KLC2: variants seen among roughly 807,000 people sequenced by gnomAD.
KLC2 encodes KLC 2.
KLC2 carries 35 observed loss-of-function variants against 75.1 expected under a neutral mutation model. The ratio of observed to expected loss-of-function variants is 0.47; its 90% CI spans 0.36 to 0.62. KLC2 has a LOEUF of 0.62. Ranked by LOEUF, KLC2 falls within the 20% of genes least tolerant of loss-of-function variation. The probability of loss-of-function intolerance (pLI) is 0.00; values close to 1 mark genes in which losing one functional copy is unlikely to be tolerated. For synonymous variants in KLC2, 314 were observed against 336.7 expected (o/e 0.93, Z 0.74); for missense variants, 611 against 833.2 (o/e 0.73, Z 3.28).
At chr11:66,260,275 C>T (rs1306922706) in intron 2 of KLC2, among the ~76,000 whole-genome samples, 3 of 152,048 alleles carry the variant, frequency 2.0e-5, no homozygotes, top group Non-Finnish European at 4.4e-5. Context: ...TCTGCAAGGA[C>T]ATTCACTCCC....
chr11:66,250,213 A>G, the KLC2 span, among the ~76,000 whole-genome samples: 1 of 152,026 alleles, frequency 6.6e-6, no homozygotes, highest in Non-Finnish European at 1.5e-5. Context: ...CATAGAGTTC[A>G]CTATTACCTG....
chr11:66,247,351 G>A, the KLC2 span, among the ~76,000 whole-genome samples: 7 of 152,226 alleles, frequency 4.6e-5, no homozygotes, highest in Non-Finnish European at 2.9e-5. Context: ...AAACTGTGCA[G>A]AGTGTCCCAC....
At chr11:66,248,596 G>A in the KLC2 span, among the ~76,000 whole-genome samples, 2 of 152,272 alleles carry the variant, frequency 1.3e-5, no homozygotes, top group South Asian at 2.1e-4. Context: ...CAACCTGGGC[G>A]ACAGAGTGAG....
intron 2 of KLC2, 102 bp downstream of exon 2, chr11:66,258,924 G>C (rs1405510660): frequency 7.5e-6 from 6 of 795,908 alleles, no homozygotes; most frequent in Non-Finnish European, 1.2e-5. Context: ...GGAACCGTCT[G>C]TTTCCTGGAG....
the KLC2 span, chr11:66,244,999 C>T: frequency 6.6e-6 from 1 of 152,270 alleles, no homozygotes; most frequent in Non-Finnish European, 1.5e-5. Context: ...AAATCCACCT[C>T]CCAAGGCAGT....
chr11:66,251,578 G>T, the KLC2 span, among the ~76,000 whole-genome samples: 4 of 87,366 alleles, frequency 4.6e-5, no homozygotes, highest in African/African-American at 6.7e-5. Context: ...TTCGAAACCA[G>T]CCTGACCAAC....
At chr11:66,252,340 C>G (rs528960992), upstream of KLC2, among the ~76,000 whole-genome samples, 4 of 152,182 alleles carry the variant, frequency 2.6e-5, no homozygotes, top group African/African-American at 9.7e-5. Context: ...GGCTGGAGTG[C>G]AGTGGCGCGA....
At chr11:66,261,074 AAAAAAAAG>A (rs1168426978) in intron 2 of KLC2, 7 of 151,546 alleles carry the variant, frequency 4.6e-5, no homozygotes, top group South Asian at 2.1e-4. Flanking sequence ...AAAAAAAAAA[AAAAAAAAG>A]AGAGAGCAAG....
At chr11:66,250,937 T>A in the KLC2 span, among the ~76,000 whole-genome samples, 4 of 152,154 alleles carry the variant, frequency 2.6e-5, no homozygotes, top group African/African-American at 7.2e-5. Context: ...GACTGCACAC[T>A]CTGTCCTGAG....
At chr11:66,255,144 T>C (rs1855993569), upstream of KLC2, among the ~76,000 whole-genome samples, 1 of 152,234 alleles carries the variant, frequency 6.6e-6, no homozygotes, top group Admixed American at 6.5e-5. Context: ...GTAGTCTCTA[T>C]GCACAGAGGC....
chr11:66,247,383 A>AGC, the KLC2 span, among the ~76,000 whole-genome samples: 1 of 152,186 alleles, frequency 6.6e-6, no homozygotes, highest in Non-Finnish European at 1.5e-5. Flanking sequence ...TGTAAGCTGA[A>AGC]GCCTTACCTG....
At chr11:66,246,913 A>G in the KLC2 span, among the ~76,000 whole-genome samples, 3 of 151,716 alleles carry the variant, frequency 2.0e-5, no homozygotes, top group Non-Finnish European at 2.9e-5. Flanking sequence ...CTCCCTTGCT[A>G]TGGTGTCCTC....
In KLC2 at chr11:66,265,011, T is replaced by C. The variant is rs1452447142; in HGVS notation, c.1217-12T>C. ...TATGGTAGGCTGGTGACAGTCCCCT[T>C]TCTCTCCCCAGGGGACAACAAGCCC... is the stretch of plus-strand genomic sequence containing the variant. On this transcript the variant is annotated splice_polypyrimidine_tract_variant and intron_variant, in intron 9 of 15. Transcript: ENST00000394067. The C allele has an allele frequency of 1.6e-5, 26 of 1,612,322 alleles. No individual in the cohort carries two copies. The highest frequency in any genetic ancestry group is 2.2e-5 in the Non-Finnish European group (26 of 1,179,048).
chr11:66,266,678 G>T (rs982984348), intron 15 of KLC2, 188 bp downstream of exon 15: 7 of 843,492 alleles, frequency 8.3e-6, no homozygotes, highest in Non-Finnish European at 1.2e-5. Flanking sequence ...CGTGTAAACG[G>T]CCAGTGCTAA....
rs767400027 is a variant in KLC2, at chr11:66,264,145, C to T, written c.1042C>T (p.Arg348Trp). Residue 348 changes from arginine to tryptophan, a missense_variant, in exon 8 of 16, where the codon CGG becomes TGG. Transcript: ENST00000394067. ...AGCTGAGGAGGTGGAATATTACTAT[C>T]GGCGGGCACTGGAGATCTATGCTAC... is the stretch of plus-strand genomic sequence containing the variant. ...GKAEEVEYYY[R>W]RALEIYATRL... The T allele has an allele frequency of 5.7e-6, 9 of 1,580,944 alleles. No individual in the cohort carries two copies. Among genetic ancestry groups the T allele is most frequent in the Non-Finnish European group, 7.7e-6 (9 of 1,162,548 alleles).
rs761363949 is a variant in KLC2, at chr11:66,266,824, C to T, written c.1786-49C>T. On this transcript the variant is annotated intron_variant, in intron 15 of 15. Coordinates refer to ENST00000394067, the MANE Select transcript of KLC2 (RefSeq NM_001318734.2). ...CAGACCCCTTCAGGCCAGGGAGGCA[C>T]AGACTGGCAGCAGCACAGGGCTGAG... 110 of 1,588,204 alleles carry T rather than the reference C, an allele frequency of 6.9e-5. 1 individual carries two copies. Among genetic ancestry groups the T allele is most frequent in the Non-Finnish European group, 1.5e-5 (17 of 1,158,654 alleles).
At chr11:66,266,597 T>C in intron 15 of KLC2, 107 bp downstream of exon 15, 1 of 1,225,732 alleles carries the variant, frequency 8.2e-7, no homozygotes, top group Middle Eastern at 1.9e-4. Context: ...AGTTCCTGGC[T>C]CTGTCTCAGG....
chr11:66,262,289 C>CAGA, intron 4 of KLC2, 97 bp downstream of exon 4: 3 of 903,990 alleles, frequency 3.3e-6, no homozygotes, highest in Non-Finnish European at 5.4e-6. Flanking sequence ...TGCCTCACTT[C>CAGA]TGATCATGAC....
upstream of KLC2, among the ~76,000 whole-genome samples, chr11:66,253,270 T>C (rs1023270586): frequency 6.6e-6 from 1 of 152,090 alleles, no homozygotes; most frequent in African/African-American, 2.4e-5. Context: ...TGCCCGGCCA[T>C]ATCTGCTGAC....
Sources: gnomAD v4.1 joint callset for allele counts (sites outside exome capture counted in the v4.1 genomes callset) on GRCh38, gnomAD v4.1.1 for gene constraint, MANE v1.5 for transcripts, NCBI Gene and HGNC (gene_info 2026-07-23, HGNC 2026-07-21) for gene names.